EPHA3: variants seen among roughly 807,000 people sequenced by gnomAD.
EPHA3 encodes EPH receptor A3.
Under a neutral mutation model 107.1 loss-of-function variants are expected in EPHA3, and 42 were observed. The observed-to-expected ratio is 0.39, with a 90% CI of 0.31 to 0.51. EPHA3 has a LOEUF of 0.51. Among genes scored for constraint, EPHA3 ranks in the 20% least tolerant of loss-of-function variants. The pLI is 0.78. For synonymous variants in EPHA3, 461 were observed against 424.8 expected, an observed-to-expected ratio of 1.09 and a Z score of -1.05; for missense variants, 1,183 against 1,211.2, an observed-to-expected ratio of 0.98 and a Z score of 0.35.
intron 3 of EPHA3, among the ~76,000 whole-genome samples, chr3:89,326,595 G>A (rs758674005): frequency 6.6e-6 from 1 of 151,902 alleles, no homozygotes; most frequent in East Asian, 1.9e-4. Context: ...TCACCATGTT[G>A]CCCAGGCTGG....
chr3:89,127,838 C>T (rs1200605397), intron 2 of EPHA3, among the ~76,000 whole-genome samples: 2 of 151,962 alleles, frequency 1.3e-5, no homozygotes, highest in Non-Finnish European at 2.9e-5. Context: ...TTTTACATAG[C>T]TTTGGTATTT....
intron 3 of EPHA3, among the ~76,000 whole-genome samples, chr3:89,278,049 G>T (rs907163022): frequency 3.9e-5 from 6 of 152,078 alleles, no homozygotes; most frequent in Admixed American, 3.9e-4. Context: ...TTTATGATGG[G>T]TTTATACTTT....
chr3:89,171,036 G>C (rs906885562), intron 2 of EPHA3, among the ~76,000 whole-genome samples: 23 of 151,036 alleles, frequency 1.5e-4, no homozygotes, highest in African/African-American at 4.1e-4. Context: ...AAAGGCTTCT[G>C]TTTAGTATCA....
rs1222575140 is a variant in EPHA3, at chr3:89,339,305, A to C, written c.815-1611A>C. Among the ~76,000 whole-genome samples the C allele has an allele frequency of 2.0e-5, 3 of 147,760 alleles. No individual in the cohort carries two copies. In the East Asian group the frequency reaches 6.3e-4, roughly 31 times the overall value. ...AGAATAGCTTGAATCTGGAAGGCAG[A>C]GATTGCAGTGAGCCGAGATTGTGCC... On this transcript the variant is annotated intron_variant, in intron 3 of 16. Coordinates refer to ENST00000336596, the MANE Select transcript of EPHA3 (RefSeq NM_005233.6).
chr3:89,211,724 TTTTCTTCTTCTTCTTCTC>T (rs1223416747), intron 3 of EPHA3, among the ~76,000 whole-genome samples: 39 of 131,462 alleles, frequency 3.0e-4, no homozygotes, highest in South Asian at 7.6e-4. Flanking sequence ...CTCTTCTTCT[TTTTCTTCTTCTTCTTCTC>T]CTTCTTCTTC....
chr3:89,467,230 T>C (rs961411248), intron 15 of EPHA3, among the ~76,000 whole-genome samples: 1 of 152,192 alleles, frequency 6.6e-6, no homozygotes, highest in Non-Finnish European at 1.5e-5. Context: ...AGTTATAAAA[T>C]GTACGGAAAA....
intron 3 of EPHA3, among the ~76,000 whole-genome samples, chr3:89,217,048 C>T (rs1414696108): frequency 4.0e-5 from 6 of 151,796 alleles, no homozygotes; most frequent in Non-Finnish European, 5.9e-5. Flanking sequence ...CCTTTTTTTC[C>T]TGTGATTTCT....
At chr3:89,169,266 G>A (rs546192416) in intron 2 of EPHA3, among the ~76,000 whole-genome samples, 2 of 151,844 alleles carry the variant, frequency 1.3e-5, no homozygotes, top group African/African-American at 2.4e-5. Context: ...ATTTTAAAAG[G>A]TTAGTTAGGG....
intron 2 of EPHA3, among the ~76,000 whole-genome samples, chr3:89,186,437 T>G (rs1019927015): frequency 1.3e-5 from 2 of 152,122 alleles, no homozygotes; most frequent in African/African-American, 4.8e-5. Context: ...TTTTTTTCTT[T>G]AATTCTTAAA....
chr3:89,234,524 G>A (rs1436252089), intron 3 of EPHA3, among the ~76,000 whole-genome samples: 1 of 152,132 alleles, frequency 6.6e-6, no homozygotes, highest in African/African-American at 2.4e-5. Context: ...AAATCCACAT[G>A]GACCAATCAA....
intron 6 of EPHA3, among the ~76,000 whole-genome samples, chr3:89,396,982 G>A (rs7645408): frequency 0.25 from 38,128 of 151,944 alleles, 4,990 homozygotes; most frequent in Non-Finnish European, 0.27. Context: ...TGTGGCAGCC[G>A]TGAGTCCTCC....
intron 1 of EPHA3, among the ~76,000 whole-genome samples, chr3:89,109,090 C>T (rs1407891732): frequency 6.6e-6 from 1 of 152,114 alleles, no homozygotes; most frequent in Non-Finnish European, 1.5e-5. Flanking sequence ...CCTACTTTCA[C>T]TGCTAATAGA....
chr3:89,146,413 A>G lies in EPHA3; in HGVS notation c.153+19140A>G, dbSNP rs1338496839. 2.0e-5 allele frequency among the ~76,000 whole-genome samples: 3 copies of G among 151,990 alleles called. No homozygotes were observed. The East Asian group carries it at 5.8e-4, about 29-fold the overall frequency. ...GACAACTGATGATGAGCTTTTATTCATATATTTGTTGGCTGCATAAAGTCT... is the reference window on the plus strand; with the variant it reads ...GACAACTGATGATGAGCTTTTATTCGTATATTTGTTGGCTGCATAAAGTCT... On this transcript the variant is annotated intron_variant, in intron 2 of 16. Transcript: ENST00000336596.
At chr3:89,402,608 A>G (rs570218779) in intron 7 of EPHA3, among the ~76,000 whole-genome samples, 9 of 152,060 alleles carry the variant, frequency 5.9e-5, no homozygotes, top group African/African-American at 2.2e-4. Context: ...TTATATATTG[A>G]TTTTTTTAAA....
At chr3:89,293,386 T>A (rs1384607938) in intron 3 of EPHA3, among the ~76,000 whole-genome samples, 1 of 152,158 alleles carries the variant, frequency 6.6e-6, no homozygotes, top group Non-Finnish European at 1.5e-5. Flanking sequence ...TTAACAAAAA[T>A]TATTGTGCTT....
At chr3:89,203,792 T>C (rs1211121972) in intron 2 of EPHA3, among the ~76,000 whole-genome samples, 1 of 151,386 alleles carries the variant, frequency 6.6e-6, no homozygotes, top group African/African-American at 2.4e-5. Flanking sequence ...AATAAATAAA[T>C]AAAATAAAAT....
At chr3:89,354,837 T>C (rs1707909902) in intron 5 of EPHA3, among the ~76,000 whole-genome samples, 1 of 151,126 alleles carries the variant, frequency 6.6e-6, no homozygotes. Context: ...TATCTACATA[T>C]TCTTTTTCCT....
chr3:89,155,418 T>A (rs1444586208), intron 2 of EPHA3, among the ~76,000 whole-genome samples: 1 of 152,054 alleles, frequency 6.6e-6, no homozygotes, highest in Non-Finnish European at 1.5e-5. Flanking sequence ...TATGTACTGT[T>A]TCATTTAATC....
At chr3:89,445,747 GA>G (rs1709866318) in intron 13 of EPHA3, among the ~76,000 whole-genome samples, 2 of 152,200 alleles carry the variant, frequency 1.3e-5, no homozygotes, top group Admixed American at 6.5e-5. Context: ...TGACACAAGT[GA>G]AAAGACCATA....
Sources: allele counts gnomAD v4.1 joint callset (sites outside exome capture counted in the v4.1 genomes callset), GRCh38; gene constraint gnomAD v4.1.1; transcripts MANE v1.5; gene names NCBI Gene and HGNC (gene_info 2026-07-23, HGNC 2026-07-21).